Variants in MED23 observed in about 807,000 individuals in gnomAD.
MED23 encodes the protein mediator of RNA polymerase II transcription subunit 23.
In MED23, 105 loss-of-function variants were observed where a neutral mutation model predicts 163.9. That is an observed-to-expected ratio of 0.64 (90% CI 0.55 to 0.75). MED23 has a LOEUF of 0.75. Ranked by LOEUF, MED23 falls within the 30% of genes least tolerant of loss-of-function variation. MED23 has a pLI of 0.00. For synonymous variants in MED23, 561 were observed against 565.6 expected (o/e 0.99, Z 0.12); for missense variants, 1,054 against 1,649.0 (o/e 0.64, Z 6.25).
intron 22 of MED23, 138 bp downstream of exon 22, chr6:131,595,809 A>C (rs1251160580): frequency 1.4e-6 from 1 of 690,800 alleles, no homozygotes; most frequent in Non-Finnish European, 2.5e-6. Flanking sequence ...GGCACCATCC[A>C]TAGTACTTAT....
Position 131,592,988 on chromosome 6 carries a change from A to G in MED23, c.3398+18T>C. On this transcript the variant is annotated intron_variant, in intron 24 of 28. Transcript: ENST00000368068. Reference sequence around the variant, plus strand: ...ACAAATAAACAACAAATCTTACTGCATGAACCAGAATACATACCTTTTTAG... The same window carrying G: ...ACAAATAAACAACAAATCTTACTGCGTGAACCAGAATACATACCTTTTTAG... The G allele has an allele frequency of 6.2e-7, 1 of 1,614,004 alleles. No homozygotes were observed. The highest frequency in any genetic ancestry group is 8.5e-7 in the Non-Finnish European group (1 of 1,179,850).
At chr6:131,614,286 C>T (rs1266111341) in intron 10 of MED23, among the ~76,000 whole-genome samples, 1 of 152,070 alleles carries the variant, frequency 6.6e-6, no homozygotes, top group Admixed American at 6.6e-5. Context: ...GTTTGGCATG[C>T]AAAGTTTCAA....
intron 4 of MED23, among the ~76,000 whole-genome samples, 186 bp from the exon 5 acceptor site, chr6:131,623,648 T>G (rs75765679): frequency 0.02 from 3,011 of 152,294 alleles, 117 homozygotes; most frequent in African/African-American, 0.07. Flanking sequence ...ACTGTTCTCA[T>G]GATAGTGAGT....
At chr6:131,590,807 CG>C (rs1774557492) in intron 26 of MED23, among the ~76,000 whole-genome samples, 1 of 151,736 alleles carries the variant, frequency 6.6e-6, no homozygotes, top group Non-Finnish European at 1.5e-5. Context: ...TTAGTAGAGA[CG>C]GGGTTTCACC....
At chr6:131,602,909 T>A in intron 16 of MED23, 121 bp downstream of exon 16, 1 of 1,061,302 alleles carries the variant, frequency 9.4e-7, no homozygotes, top group Non-Finnish European at 1.4e-6. Context: ...GCAGAGAAGT[T>A]TTATGACAGA....
rs887852658 is a variant in MED23 at position 131,592,562 on chromosome 6, G to A, written c.3399-102C>T. 3.4e-5 allele frequency: 33 copies of A among 974,344 alleles called. 1 individual carries two copies. The highest frequency in any genetic ancestry group is 2.9e-4 in the African/African-American group (18 of 61,814). 60.4% of individuals were successfully genotyped at this position (974,344 alleles called of 1,614,324 possible). ...AAGAATATGTCTAATTCAGAGGATC[G>A]ACAACTAATCCATTTCAATAAAACA... On this transcript the variant is annotated intron_variant, in intron 24 of 28. Transcript: ENST00000368068.
chr6:131,605,185 T>C (rs767732752), intron 14 of MED23, 55 bp downstream of exon 14: 5 of 1,574,374 alleles, frequency 3.2e-6, no homozygotes, highest in South Asian at 1.1e-5. Context: ...TAAAGGTTTA[T>C]ACTATACTCG....
chr6:131,586,937 C>T lies in MED23; in HGVS notation c.*742G>A, dbSNP rs772741561. Reference sequence around the variant, plus strand: ...ATCATCTGTCAGGTGAGAGTGTCAACCTGCAAAAGCAATTAACTTATTTTT... The same window carrying T: ...ATCATCTGTCAGGTGAGAGTGTCAATCTGCAAAAGCAATTAACTTATTTTT... On this transcript the variant is annotated 3_prime_UTR_variant, in exon 29 of 29. Transcript: ENST00000368068. The T allele has an allele frequency of 6.8e-7, 1 of 1,481,042 alleles. No individual in the cohort carries two copies. The highest frequency in any genetic ancestry group is 9.1e-7 in the Non-Finnish European group (1 of 1,102,322). 91.7% of individuals were successfully genotyped at this position (1,481,042 alleles called of 1,614,324 possible).
intron 1 of MED23, 90 bp downstream of exon 1, chr6:131,627,921 G>T (rs1190871076): frequency 2.6e-6 from 4 of 1,511,402 alleles, no homozygotes; most frequent in South Asian, 1.1e-5. Flanking sequence ...GGCGTGAGAG[G>T]AGGTTGCCCA....
rs1446737782 is a variant in MED23, at chr6:131,596,846, C to T, written c.2608-158G>A. 2.0e-5 allele frequency among the ~76,000 whole-genome samples: 3 copies of T among 152,216 alleles called. No individual in the cohort carries two copies. In the East Asian group the frequency reaches 5.8e-4, roughly 29 times the overall value. On this transcript the variant is annotated intron_variant, in intron 20 of 28. Coordinates refer to ENST00000368068, the MANE Select transcript of MED23 (RefSeq NM_004830.4). ...AACCAACTGTTCAGTATTCCCCAAA[C>T]ATATATGACCTTTCTTGCCTATTTC...
At chr6:131,584,289 C>A, downstream of MED23, 2 of 196,540 alleles carry the variant, frequency 1.0e-5, no homozygotes, top group East Asian at 1.5e-4. Context: ...CCATGTCATT[C>A]AAAAAATGTG....
chr6:131,584,740 T>C (rs982188157), downstream of MED23, among the ~76,000 whole-genome samples: 7 of 151,752 alleles, frequency 4.6e-5, no homozygotes, highest in African/African-American at 1.7e-4. Context: ...CCCAGCACTT[T>C]GGGAGGACAA....
rs762893295 is a variant in MED23, at chr6:131,623,364, C to T, written c.383G>A (p.Gly128Glu). The change falls in exon 5 of 29, where the codon GGA becomes GAA. Residue 128 changes from glycine to glutamate, a missense_variant. Around this residue, in one of 11 missense-constraint regions of MED23, gnomAD observed 227 missense variants for 235.5 expected, o/e 0.96. Transcript: ENST00000368068. ...AGAAAAATATACCTTGTAATCCACT[C>T]CCCCAATTATTTTCCGAACCAGTTT... is the stretch of plus-strand genomic sequence containing the variant. ...TFKLVRKIIGGVDYKGVRDLL... is the reference protein window; with the variant it reads ...TFKLVRKIIGEVDYKGVRDLL... 1.2e-6 allele frequency: 2 copies of T among 1,612,810 alleles called. No individual in the cohort carries two copies. Among genetic ancestry groups the T allele is most frequent in the Non-Finnish European group, 1.7e-6 (2 of 1,179,004 alleles).
intron 3 of MED23, among the ~76,000 whole-genome samples, chr6:131,626,408 C>T (rs1777506181): frequency 6.6e-6 from 1 of 151,066 alleles, no homozygotes; most frequent in African/African-American, 2.4e-5. Flanking sequence ...TATTATGCTG[C>T]TATTTAAAAA....
chr6:131,587,588 C>T lies in MED23; in HGVS notation c.*91G>A. On this transcript the variant is annotated 3_prime_UTR_variant, in exon 29 of 29. Coordinates refer to ENST00000368068, the MANE Select transcript of MED23 (RefSeq NM_004830.4). ...AATATCATCACTGCTTCTACTATAT[C>T]ACTACAGTGTGATCGCATTCAGATT... The T allele has an allele frequency of 6.3e-7, 1 of 1,593,396 alleles. No homozygotes were observed.
intron 30 of MED23, chr6:131,574,312 G>A (rs367756244): frequency 3.6e-5 from 58 of 1,613,750 alleles, no homozygotes; most frequent in Non-Finnish European, 4.6e-5. Context: ...AACAAATTGA[G>A]AGAGGCCAGA....
At chr6:131,593,234 T>G in intron 23 of MED23, 63 bp from the exon 24 acceptor site, 3 of 1,595,114 alleles carry the variant, frequency 1.9e-6, no homozygotes, top group African/African-American at 1.3e-5. Context: ...TATCTGATTA[T>G]GAGCTGCCAA....
Position 131,604,331 on chromosome 6 carries a change from A to G in MED23, c.1614-11T>C. On this transcript the variant is annotated splice_polypyrimidine_tract_variant and intron_variant, in intron 14 of 28. Coordinates refer to ENST00000368068, the MANE Select transcript of MED23 (RefSeq NM_004830.4). ...ATGCTGTGAATAAGGCTGAGGAGAA[A>G]AAAAGGGAAGAAAATAAAAATCCAT... The G allele has an allele frequency of 6.2e-7, 1 of 1,613,580 alleles. No individual in the cohort carries two copies. The highest frequency in any genetic ancestry group is 8.5e-7 in the Non-Finnish European group (1 of 1,179,646).
downstream of MED23, among the ~76,000 whole-genome samples, chr6:131,584,896 G>T (rs757315136): frequency 4.0e-5 from 6 of 150,646 alleles, no homozygotes; most frequent in Non-Finnish European, 8.8e-5. Flanking sequence ...CTACTCAGAA[G>T]GCTAAGGCGG....
Sources: gnomAD v4.1 joint callset for allele counts (sites outside exome capture counted in the v4.1 genomes callset) on GRCh38, gnomAD v4.1.1 for gene constraint, gnomAD v4.1.1 regional missense constraint, MANE v1.5 for transcripts, NCBI Gene and HGNC (gene_info 2026-07-23, HGNC 2026-07-21) for gene names.